The following PRKAR1B variants were observed in gnomAD, a reference collection of about 807,000 sequenced individuals.
The protein encoded by PRKAR1B is protein kinase cAMP-dependent type I regulatory subunit beta.
A neutral mutation model predicts 46.5 loss-of-function variants in PRKAR1B; 22 were observed. The ratio of observed to expected loss-of-function variants is 0.47; its 90% CI spans 0.34 to 0.68. The LOEUF (loss-of-function observed/expected upper bound fraction) is 0.68, where lower values mean the gene tolerates loss of function less well. Among genes scored for constraint, PRKAR1B ranks in the 30% least tolerant of loss-of-function variants. PRKAR1B has a pLI of 0.01. For missense variants in PRKAR1B, 445 were observed against 535.6 expected (o/e 0.83, Z 1.67); for synonymous variants, 259 against 217.7 (o/e 1.19, Z -1.67).
chr7:675,395 C>T (rs34010149), intron 4 of PRKAR1B, among the ~76,000 whole-genome samples: 78,954 of 152,064 alleles, frequency 0.52, 20,909 homozygotes, highest in Admixed American at 0.57. Context: ...CACCGTTGCC[C>T]TCCGGGAGGG....
intron 4 of PRKAR1B, among the ~76,000 whole-genome samples, chr7:611,348 C>A (rs1363567035): frequency 6.6e-6 from 1 of 152,246 alleles, no homozygotes; most frequent in African/African-American, 2.4e-5. Flanking sequence ...GGGACGGCCA[C>A]CCCCAGCTCT....
intron 9 of PRKAR1B, among the ~76,000 whole-genome samples, chr7:554,076 A>C (rs1042666981): frequency 1.3e-5 from 2 of 152,238 alleles, no homozygotes; most frequent in African/African-American, 4.8e-5. Context: ...CTCTCCTCCC[A>C]GTCCTGGCAC....
intron 4 of PRKAR1B, among the ~76,000 whole-genome samples, chr7:656,080 A>G (rs1030298039): frequency 6.6e-6 from 1 of 152,216 alleles, no homozygotes; most frequent in Non-Finnish European, 1.5e-5. Context: ...TTGTGTCTAC[A>G]TCTGTGAGCA....
intron 4 of PRKAR1B, among the ~76,000 whole-genome samples, chr7:662,912 C>T (rs532726592): frequency 9.2e-5 from 14 of 152,320 alleles, no homozygotes; most frequent in South Asian, 2.1e-4. Context: ...AGAAGCACCA[C>T]CCTGTTCATC....
chr7:699,079 A>G (rs762203051), intron 2 of PRKAR1B, among the ~76,000 whole-genome samples: 1 of 152,078 alleles, frequency 6.6e-6, no homozygotes, highest in Non-Finnish European at 1.5e-5. Flanking sequence ...ATCAAAGCCA[A>G]CCCCAGGAGA....
chr7:645,738 G>T (rs1784589907), intron 4 of PRKAR1B, among the ~76,000 whole-genome samples: 1 of 152,084 alleles, frequency 6.6e-6, no homozygotes, highest in South Asian at 2.1e-4. Flanking sequence ...GAGAGGCCTG[G>T]GGCTCCCAGG....
chr7:551,405 T>A lies in PRKAR1B; in HGVS notation c.957A>T (p.Gly319=), dbSNP rs1784183303. 6.4e-7 allele frequency: 1 copy of A among 1,559,104 alleles called. No homozygotes were observed. The change falls in exon 10 of 11, where the codon GGA becomes GGT. Residue 319 remains glycine, a synonymous_variant. Coordinates refer to ENST00000537384, the MANE Select transcript of PRKAR1B (RefSeq NM_001164760.2). Reference sequence around the variant, plus strand: ...TGGACTCACCGAAGTAGTCAGAGGGTCCCAGGCGCCCCACCTCCACGTACT... The same window carrying A: ...TGGACTCACCGAAGTAGTCAGAGGGACCCAGGCGCCCCACCTCCACGTACT... ...NEEYVEVGRL[G]PSDYFGEIAL...
In PRKAR1B at chr7:711,529, T is replaced by G; in HGVS notation, c.-22-2A>C. 1 of 1,609,870 alleles carries G rather than the reference T, an allele frequency of 6.2e-7. No individual in the cohort carries two copies. Among genetic ancestry groups the G allele is most frequent in the Non-Finnish European group, 8.5e-7 (1 of 1,177,772 alleles). On this transcript the variant is annotated splice_acceptor_variant, in intron 1 of 10. Transcript: ENST00000537384. LOFTEE classifies it low-confidence loss of function (5UTR_SPLICE). The stretch of plus-strand genomic sequence containing the variant: ...ATGGCGAGGGTGGCTGCTTCCTTCC[T>G]GTCCAGAAAACACACAGATCCCCAG...
chr7:682,530 G>C (rs1053370962), intron 2 of PRKAR1B, among the ~76,000 whole-genome samples: 6 of 152,126 alleles, frequency 3.9e-5, no homozygotes, highest in Non-Finnish European at 5.9e-5. Flanking sequence ...TGGATCACGA[G>C]GTCAGGAGAT....
intron 6 of PRKAR1B, 103 bp downstream of exon 6, chr7:606,090 C>T: frequency 9.3e-7 from 1 of 1,072,710 alleles, no homozygotes; most frequent in African/African-American, 1.6e-5. Context: ...ATACGGCACT[C>T]AGCGCAGTGT....
At chr7:665,484 C>A (rs1220513100) in intron 4 of PRKAR1B, among the ~76,000 whole-genome samples, 1 of 152,206 alleles carries the variant, frequency 6.6e-6, no homozygotes, top group South Asian at 2.1e-4. Flanking sequence ...GCTTCAAACC[C>A]CAGGCTTCAG....
chr7:605,157 G>A (rs930219559), intron 6 of PRKAR1B, among the ~76,000 whole-genome samples: 3 of 152,240 alleles, frequency 2.0e-5, no homozygotes, highest in Non-Finnish European at 2.9e-5. Context: ...GGCAGAGCAG[G>A]GGACACACAC....
chr7:691,595 C>G, intron 2 of PRKAR1B: 2 of 1,304,292 alleles, frequency 1.5e-6, no homozygotes, highest in Non-Finnish European at 2.0e-6. Context: ...TCGGACAGCC[C>G]AAAGTGAGGT....
At chr7:709,561 G>A (rs1049354751) in intron 2 of PRKAR1B, among the ~76,000 whole-genome samples, 5 of 151,948 alleles carry the variant, frequency 3.3e-5, no homozygotes, top group Admixed American at 1.3e-4. Flanking sequence ...TAGTAGAGAC[G>A]CGGTTTCACT....
chr7:725,654 TG>T (rs1161816164), intron 1 of PRKAR1B, among the ~76,000 whole-genome samples: 7 of 152,226 alleles, frequency 4.6e-5, no homozygotes, highest in Non-Finnish European at 1.5e-5. Context: ...CCTTCTTGCC[TG>T]GGGACCAGAA....
chr7:578,279 G>A (rs984419032), intron 9 of PRKAR1B, among the ~76,000 whole-genome samples: 72 of 152,140 alleles, frequency 4.7e-4, no homozygotes, highest in Admixed American at 2.7e-3. Flanking sequence ...ACAGCTGCTC[G>A]GCCCACCCAA....
chr7:620,887 T>A (rs1471507706), intron 4 of PRKAR1B, among the ~76,000 whole-genome samples: 1 of 152,268 alleles, frequency 6.6e-6, no homozygotes, highest in African/African-American at 2.4e-5. Context: ...AGCCAAAGAT[T>A]CTCCATTAGC....
chr7:657,132 GATGAATGAATGAATGAATGAGTGAACAA>G (rs1785248060), intron 4 of PRKAR1B, among the ~76,000 whole-genome samples: 1 of 151,636 alleles, frequency 6.6e-6, no homozygotes. Flanking sequence ...TGGATAGATG[GATGAATGAATGAATGAATGAGTGAACAA>G]ATGAATGGAT....
chr7:685,403 T>G (rs1404588764), intron 2 of PRKAR1B, among the ~76,000 whole-genome samples: 1 of 121,798 alleles, frequency 8.2e-6, no homozygotes, highest in Admixed American at 8.2e-5. Flanking sequence ...TATATATATG[T>G]ATATATATAC....
Sources: allele counts gnomAD v4.1 joint callset (sites outside exome capture counted in the v4.1 genomes callset), GRCh38; gene constraint gnomAD v4.1.1; transcripts MANE v1.5; gene names NCBI Gene and HGNC (gene_info 2026-07-23, HGNC 2026-07-21).